Variants in EPC1 observed in about 807,000 individuals in gnomAD.
The protein encoded by EPC1 is enhancer of polycomb homolog 1.
Under a neutral mutation model 98.4 loss-of-function variants are expected in EPC1, and 12 were observed. That is an observed-to-expected ratio of 0.12 (90% CI 0.08 to 0.20). The LOEUF is 0.20. Among genes scored for constraint, EPC1 ranks in the 10% least tolerant of loss-of-function variants. The pLI is 1.00. For missense variants in EPC1, 729 were observed against 990.5 expected (o/e 0.74, Z 3.54); for synonymous variants, 357 against 363.9 (o/e 0.98, Z 0.21).
At chr10:32,352,904 C>T (rs1002681240) in intron 1 of EPC1, among the ~76,000 whole-genome samples, 4 of 152,104 alleles carry the variant, frequency 2.6e-5, no homozygotes, top group Admixed American at 6.6e-5. Context: ...ACCTGTAATC[C>T]CAGCACTTTG....
chr10:32,289,532 G>C, intron 6 of EPC1, among the ~76,000 whole-genome samples: 1 of 151,926 alleles, frequency 6.6e-6, no homozygotes, highest in East Asian at 1.9e-4. Flanking sequence ...ACCTGAGTGA[G>C]CATGATATTA....
chr10:32,294,834 T>C (rs897013914), intron 2 of EPC1, among the ~76,000 whole-genome samples: 3 of 152,168 alleles, frequency 2.0e-5, no homozygotes, highest in Admixed American at 6.5e-5. Context: ...AGGCCCTTTT[T>C]TCCTATTCTC....
At chr10:32,337,980 T>C (rs1385840473) in intron 1 of EPC1, among the ~76,000 whole-genome samples, 1 of 152,246 alleles carries the variant, frequency 6.6e-6, no homozygotes, top group African/African-American at 2.4e-5. Context: ...TAGCTCCTCC[T>C]CTGAGTCCCA....
intron 10 of EPC1, chr10:32,282,179 G>C (rs1323380651): frequency 6.6e-6 from 1 of 151,996 alleles, no homozygotes; most frequent in Non-Finnish European, 1.5e-5. Context: ...CAAAATTTAA[G>C]GAGAAATTGA....
At chr10:32,293,848 T>G (rs1162936534) in intron 2 of EPC1, 111 bp from the exon 3 acceptor site, 3 of 1,080,130 alleles carry the variant, frequency 2.8e-6, no homozygotes, top group Admixed American at 5.9e-5. Flanking sequence ...TAAGAAAGAA[T>G]TCTTGGATTT....
chr10:32,300,314 A>T (rs1417731802), intron 2 of EPC1, among the ~76,000 whole-genome samples: 2 of 151,914 alleles, frequency 1.3e-5, no homozygotes, highest in Non-Finnish European at 2.9e-5. Context: ...TTACATATGT[A>T]TACATGTGCC....
intron 1 of EPC1, among the ~76,000 whole-genome samples, chr10:32,312,138 G>A (rs1397285529): frequency 6.6e-5 from 10 of 152,184 alleles, no homozygotes; most frequent in Non-Finnish European, 1.5e-5. Flanking sequence ...CACAGTGAGT[G>A]AGGTGGTGAG....
Position 32,325,923 on chromosome 10 carries a change from A to C in EPC1, c.154-19992T>G, listed in dbSNP as rs17296024. 2.7e-3 allele frequency among the ~76,000 whole-genome samples: 415 copies of C among 152,332 alleles called. 5 individuals are homozygous for C. The highest frequency in any genetic ancestry group is 0.014 in the Middle Eastern group (4 of 294). On this transcript the variant is annotated intron_variant, in intron 1 of 13. Coordinates refer to ENST00000319778, the MANE Select transcript of EPC1 (RefSeq NM_001272004.3). ...TATCAACTACAGTATGCCTTCCAGT[A>C]AGTAAATGAGGTCTTTATGTTAAAG...
intron 1 of EPC1, among the ~76,000 whole-genome samples, chr10:32,320,486 G>A (rs1417987917): frequency 1.3e-5 from 2 of 152,216 alleles, no homozygotes; most frequent in Non-Finnish European, 2.9e-5. Flanking sequence ...GATAAGCTAT[G>A]CTGAACAACG....
intron 1 of EPC1, among the ~76,000 whole-genome samples, chr10:32,372,468 A>G (rs936822923): frequency 6.6e-6 from 1 of 152,208 alleles, no homozygotes; most frequent in Non-Finnish European, 1.5e-5. Flanking sequence ...ACCCCCTTCA[A>G]TAAGGCCTCA....
intron 1 of EPC1, chr10:32,345,524 G>C (rs1462443962): frequency 1.0e-6 from 1 of 985,422 alleles, no homozygotes; most frequent in Non-Finnish European, 1.2e-6. Context: ...GGACTTCCTT[G>C]AACTGTCAAT....
chr10:32,272,914 T>A, intron 11 of EPC1: 1 of 951,956 alleles, frequency 1.1e-6, no homozygotes. Context: ...ATTAATGGAC[T>A]ACAGGTCAGA....
chr10:32,284,883 T>C lies in EPC1; in HGVS notation c.1559A>G (p.Asn520Ser), dbSNP rs200363877. The C allele has an allele frequency of 1.6e-5, 26 of 1,614,094 alleles. No individual in the cohort carries two copies. Among genetic ancestry groups the C allele is most frequent in the Non-Finnish European group, 1.9e-5 (23 of 1,180,046 alleles). ...ATGCCGCCATCTACATGATTTGATA[T>C]TGACTAGTATCTGACTGAGGTCTTT... is the stretch of plus-strand genomic sequence containing the variant. ...FSKDLSQILV[N>S]IKSCRWRHFR... Residue 520 changes from asparagine to serine, a missense_variant, in exon 10 of 14, where the codon AAT becomes AGT. Asn to Ser is a conservative substitution (Grantham distance 46, BLOSUM62 1). Transcript: ENST00000319778.
chr10:32,332,702 TG>T (rs755945546), intron 1 of EPC1, among the ~76,000 whole-genome samples: 196 of 152,342 alleles, frequency 1.3e-3, no homozygotes, highest in Non-Finnish European at 2.2e-3. Context: ...ATGTTGCCCC[TG>T]GATTCCTGAT....
At chr10:32,338,973 AAAT>A (rs749792561) in intron 1 of EPC1, among the ~76,000 whole-genome samples, 13 of 151,500 alleles carry the variant, frequency 8.6e-5, no homozygotes, top group African/African-American at 2.9e-4. Context: ...AAAATAATAA[AAAT>A]AATAATAAAT....
intron 1 of EPC1, among the ~76,000 whole-genome samples, chr10:32,335,787 A>G (rs1302462784): frequency 1.3e-5 from 2 of 152,050 alleles, no homozygotes; most frequent in African/African-American, 4.8e-5. Context: ...CCTCTACTCC[A>G]TCTCAGCCAC....
intron 1 of EPC1, among the ~76,000 whole-genome samples, chr10:32,367,740 T>C (rs1211149875): frequency 6.6e-6 from 1 of 152,242 alleles, no homozygotes; most frequent in African/African-American, 2.4e-5. Flanking sequence ...TGTATTTATT[T>C]GAAAGGAAAT....
At chr10:32,375,998 TA>T (rs2133131620) in intron 1 of EPC1, among the ~76,000 whole-genome samples, 1 of 152,144 alleles carries the variant, frequency 6.6e-6, no homozygotes, top group African/African-American at 2.4e-5. Context: ...AATCAAGAGC[TA>T]AAATGAAGCT....
At chr10:32,361,903 T>G (rs1438351947) in intron 1 of EPC1, among the ~76,000 whole-genome samples, 1 of 152,142 alleles carries the variant, frequency 6.6e-6, no homozygotes, top group Non-Finnish European at 1.5e-5. Flanking sequence ...TAAAACAGGC[T>G]GCAGTAAAGA....
Sources: gnomAD v4.1 joint callset for allele counts (sites outside exome capture counted in the v4.1 genomes callset) on GRCh38, gnomAD v4.1.1 for gene constraint, MANE v1.5 for transcripts, NCBI Gene and HGNC (gene_info 2026-07-23, HGNC 2026-07-21) for gene names.